The following TM2D2 variants were observed in gnomAD, a reference collection of about 807,000 sequenced individuals.
The protein encoded by TM2D2 is TM2 domain-containing protein 2.
A neutral mutation model predicts 23.0 loss-of-function variants in TM2D2; 19 were observed. The observed-to-expected ratio is 0.82, with a 90% CI of 0.58 to 1.21. The LOEUF (loss-of-function observed/expected upper bound fraction) is 1.21, where lower values mean the gene tolerates loss of function less well. Ranked by LOEUF, TM2D2 falls within the 50% of genes most tolerant of loss-of-function variation. The pLI, the probability that TM2D2 is intolerant of heterozygous loss-of-function variation, is 0.00. For synonymous variants in TM2D2, 120 were observed against 108.8 expected, an observed-to-expected ratio of 1.10 and a Z score of -0.64; for missense variants, 246 against 265.4, an observed-to-expected ratio of 0.93 and a Z score of 0.51.
intron 1 of TM2D2, chr8:38,995,900 G>A (rs1018158755): frequency 6.0e-6 from 5 of 837,130 alleles, no homozygotes; most frequent in Middle Eastern, 8.1e-4. Flanking sequence ...CGAATCGACC[G>A]ACTAATACTC....
At chr8:38,993,859 TAAACTC>T in intron 2 of TM2D2, 199 bp from the exon 3 acceptor site, 1 of 379,686 alleles carries the variant, frequency 2.6e-6, no homozygotes, top group Non-Finnish European at 4.8e-6. Context: ...CTGTCTTAAA[TAAACTC>T]CTGCTTTCTT....
rs780568128 is a variant in TM2D2 at position 38,993,526 on chromosome 8, C to T, written c.431+19G>A. 52 of 1,566,694 alleles carry T rather than the reference C, an allele frequency of 3.3e-5. No individual in the cohort carries two copies. Among genetic ancestry groups the T allele is most frequent in the Non-Finnish European group, 4.5e-5 (51 of 1,139,008 alleles). ...ACCTCCAACCAAGTACCAACTACTCCAATCAAAGTAACACTTACTTTATAC... is the reference window on the plus strand; with the variant it reads ...ACCTCCAACCAAGTACCAACTACTCTAATCAAAGTAACACTTACTTTATAC... On this transcript the variant is annotated intron_variant, in intron 3 of 3. Coordinates refer to ENST00000456397, the MANE Select transcript of TM2D2 (RefSeq NM_078473.3).
chr8:38,991,659 TTA>T (rs1835605283), intron 3 of TM2D2, 114 bp from the exon 4 acceptor site: 1 of 797,802 alleles, frequency 1.3e-6, no homozygotes, highest in Non-Finnish European at 2.1e-6. Context: ...CTGTGGCCTT[TTA>T]CCCTCCATTT....
intron 1 of TM2D2, chr8:38,995,849 C>A: frequency 8.7e-7 from 1 of 1,146,572 alleles, no homozygotes; most frequent in Non-Finnish European, 1.1e-6. Flanking sequence ...TAGGCAGAGA[C>A]AAGTCATTTA....
At chr8:38,996,618 G>T, upstream of TM2D2, 1 of 1,440,878 alleles carries the variant, frequency 6.9e-7, no homozygotes, top group Non-Finnish European at 9.1e-7. Context: ...AGAAAAGGTC[G>T]AGCAGACGGG....
At chr8:38,994,277 C>T (rs1304882737) in intron 2 of TM2D2, among the ~76,000 whole-genome samples, 2 of 152,160 alleles carry the variant, frequency 1.3e-5, no homozygotes, top group Non-Finnish European at 2.9e-5. Flanking sequence ...CATTGCTTAA[C>T]TGAATTCTAG....
rs200663389 is a variant in TM2D2, at chr8:38,996,480, C to A, written c.-41G>T. 7.4e-6 allele frequency: 12 copies of A among 1,611,796 alleles called. No homozygotes were observed. The highest frequency in any genetic ancestry group is 1.3e-5 in the African/African-American group (1 of 75,044). On this transcript the variant is annotated 5_prime_UTR_variant, in exon 1 of 4. Transcript: ENST00000456397. ...AGCGGAGACCCGGCCTCAACCACAACCCCAGGCCAGCAGCACAGACCCAAG... is the reference window on the plus strand; with the variant it reads ...AGCGGAGACCCGGCCTCAACCACAAACCCAGGCCAGCAGCACAGACCCAAG...
intron 3 of TM2D2, among the ~76,000 whole-genome samples, chr8:38,992,871 CCACTGTGCTGA>C (rs1415972062): frequency 2.0e-5 from 3 of 152,238 alleles, no homozygotes; most frequent in Non-Finnish European, 4.4e-5. Context: ...CTGCCCTTAT[CCACTGTGCTGA>C]CACAGCTGCA....
Position 38,996,193 on chromosome 8 carries a change from C to T in TM2D2, c.227+20G>A, listed in dbSNP as rs1438269399. ...TGGCACACCCTCCACGTCCACCCGC[C>T]TCGACCACTGGTAGCTTACAGGTAA... is the stretch of plus-strand genomic sequence containing the variant. On this transcript the variant is annotated intron_variant, in intron 1 of 3. Coordinates refer to ENST00000456397, the MANE Select transcript of TM2D2 (RefSeq NM_078473.3). 1.2e-6 allele frequency: 2 copies of T among 1,604,832 alleles called. No individual in the cohort carries two copies. Among genetic ancestry groups the T allele is most frequent in the Non-Finnish European group, 8.5e-7 (1 of 1,173,334 alleles).
rs1351204907 is a variant in TM2D2 at position 38,991,333 on chromosome 8, T to C, written c.644A>G (p.Ter215=). Residue 215 remains the stop codon, a stop_retained_variant, in exon 4 of 4, where the codon TAA becomes TGA. Coordinates refer to ENST00000456397, the MANE Select transcript of TM2D2 (RefSeq NM_078473.3). ...SDGSNWCTVY[*] ...CCTGGGCCATGATGGCAGCTCTTCT[T>C]AGTAAACAGTGCACCAGTTGCTGCC... The C allele has an allele frequency of 6.2e-7, 1 of 1,613,820 alleles. No individual in the cohort carries two copies. Among genetic ancestry groups the C allele is most frequent in the Non-Finnish European group, 8.5e-7 (1 of 1,179,846 alleles).
chr8:38,989,337 T>C lies in TM2D2; in HGVS notation c.*1995A>G, dbSNP rs1017839708. On this transcript the variant is annotated 3_prime_UTR_variant, in exon 4 of 4. Coordinates refer to ENST00000456397, the MANE Select transcript of TM2D2 (RefSeq NM_078473.3). ...TTCTTTTTTGGTCAGAGTCTCACTC[T>C]GTTGCCCAGGCTGAAGTGCAGTGGC... 21 of 152,278 alleles carry C rather than the reference T, an allele frequency of 1.4e-4. No individual in the cohort carries two copies. Among genetic ancestry groups the C allele is most frequent in the Non-Finnish European group, 1.5e-4 (10 of 68,084 alleles). The allele number at this position is 152,278 out of a possible 1,614,324, so 9.4% of individuals were successfully genotyped here.
At chr8:38,993,468 A>G (rs531254526) in intron 3 of TM2D2, 77 bp downstream of exon 3, 1 of 1,093,544 alleles carries the variant, frequency 9.1e-7, no homozygotes, top group Admixed American at 2.4e-5. Flanking sequence ...AAAACAAAAA[A>G]TAAATAAATA....
intron 3 of TM2D2, among the ~76,000 whole-genome samples, chr8:38,993,287 G>C (rs1835656212): frequency 6.6e-6 from 1 of 152,114 alleles, no homozygotes; most frequent in Non-Finnish European, 1.5e-5. Flanking sequence ...CTTAAAAAAA[G>C]TCATATCAAA....
chr8:38,996,576 C>G (rs1279337872), upstream of TM2D2: 1 of 1,468,146 alleles, frequency 6.8e-7, no homozygotes, highest in South Asian at 1.4e-5. Context: ...GGACGCGCAG[C>G]TCGACGCTCC....
At position 38,988,810 on chromosome 8, in the gene TM2D2, TG is replaced by T. The variant is rs1211242264; in HGVS notation, c.*2521del. 1 of 152,156 alleles carries T rather than the reference TG, an allele frequency of 6.6e-6. No homozygotes were observed. Among genetic ancestry groups the T allele is most frequent in the Admixed American group, 6.5e-5 (1 of 15,282 alleles). The allele number at this position is 152,156 out of a possible 1,614,324, so 9.4% of individuals were successfully genotyped here. A position where few individuals can be genotyped will look rare whatever the true frequency, so the allele number is the denominator to read the frequency against. On this transcript the variant is annotated 3_prime_UTR_variant, in exon 4 of 4. Transcript: ENST00000456397. ...AAGAAGAACACAGTGCCAGGAAATC[TG>T]GGGGAACTGATAACATTTTATTAAA... is the stretch of plus-strand genomic sequence containing the variant.
upstream of TM2D2, chr8:38,996,569 C>A: frequency 6.8e-7 from 1 of 1,476,294 alleles, no homozygotes; most frequent in Non-Finnish European, 9.0e-7. Context: ...AGCCAATGGA[C>A]GCGCAGCTCG....
intron 1 of TM2D2, chr8:38,995,649 A>G: frequency 7.2e-7 from 1 of 1,386,384 alleles, no homozygotes; most frequent in Non-Finnish European, 9.3e-7. Context: ...TAAGGATTCT[A>G]CTTCTGCCAT....
chr8:38,996,953 G>GGC (rs1416141275), upstream of TM2D2: 3 of 1,475,686 alleles, frequency 2.0e-6, no homozygotes, highest in East Asian at 2.5e-5. Context: ...GTGCTCGTCG[G>GGC]GCGCGCGCGC....
At chr8:38,995,693 T>G (rs1292732409) in intron 1 of TM2D2, 1 of 1,314,284 alleles carries the variant, frequency 7.6e-7, no homozygotes, top group Admixed American at 3.7e-5. Flanking sequence ...ACAACAAGAT[T>G]CTGGGGGCAA....
Sources: gnomAD v4.1 joint callset for allele counts (sites outside exome capture counted in the v4.1 genomes callset) on GRCh38, gnomAD v4.1.1 for gene constraint, MANE v1.5 for transcripts, NCBI Gene and HGNC (gene_info 2026-07-23, HGNC 2026-07-21) for gene names.